Variants in MITF observed in about 807,000 individuals in gnomAD.
MITF encodes microphthalmia-associated transcription factor.
In MITF, 17 loss-of-function variants were observed where a neutral mutation model predicts 60.5. The ratio of observed to expected loss-of-function variants is 0.28; its 90% CI spans 0.19 to 0.42. The LOEUF (loss-of-function observed/expected upper bound fraction) is 0.42. Among genes scored for constraint, MITF ranks in the 10% least tolerant of loss-of-function variants. The pLI, the probability that MITF is intolerant of heterozygous loss-of-function variation, is 1.00. For missense variants in MITF, 622 were observed against 683.5 expected, an observed-to-expected ratio of 0.91 and a Z score of 1.00; for synonymous variants, 260 against 248.5, an observed-to-expected ratio of 1.05 and a Z score of -0.43.
At chr3:69,900,551 AACCAGTG>A (rs1435619262) in intron 2 of MITF, among the ~76,000 whole-genome samples, 2 of 152,160 alleles carry the variant, frequency 1.3e-5, no homozygotes, top group East Asian at 3.9e-4. Flanking sequence ...ACACTTGGCA[AACCAGTG>A]ACCTTCTTTT....
At chr3:69,871,652 G>A (rs1313236101) in intron 1 of MITF, among the ~76,000 whole-genome samples, 1 of 152,188 alleles carries the variant, frequency 6.6e-6, no homozygotes, top group Non-Finnish European at 1.5e-5. Context: ...TGGTTGACGT[G>A]TGCTAGACAT....
At chr3:69,788,266 C>T (rs2062683897) in intron 1 of MITF, among the ~76,000 whole-genome samples, 1 of 147,060 alleles carries the variant, frequency 6.8e-6, no homozygotes, top group Non-Finnish European at 1.5e-5. Flanking sequence ...GGTATATCTC[C>T]TGATGCTATC....
intron 5 of MITF, among the ~76,000 whole-genome samples, chr3:69,948,302 A>G (rs1183396824): frequency 6.6e-6 from 1 of 152,192 alleles, no homozygotes; most frequent in East Asian, 1.9e-4. Flanking sequence ...AGAAATGCAC[A>G]TACACAACCA....
At chr3:69,795,208 T>A (rs549501625) in intron 1 of MITF, among the ~76,000 whole-genome samples, 1 of 152,316 alleles carries the variant, frequency 6.6e-6, no homozygotes, top group African/African-American at 2.4e-5. Flanking sequence ...TCTTTTAAAA[T>A]CTTAATTTTC....
At chr3:69,757,649 G>T (rs1202747508) in intron 1 of MITF, among the ~76,000 whole-genome samples, 1 of 151,898 alleles carries the variant, frequency 6.6e-6, no homozygotes, top group Non-Finnish European at 1.5e-5. Context: ...AGCTATCAGA[G>T]ATGAAAAAAA....
chr3:69,842,155 A>G (rs750659330), intron 1 of MITF, among the ~76,000 whole-genome samples: 17 of 152,208 alleles, frequency 1.1e-4, no homozygotes, highest in Admixed American at 3.9e-4. Context: ...ATAAGATTTT[A>G]TGTAAAATCC....
At chr3:69,896,130 C>T (rs189707127) in intron 2 of MITF, among the ~76,000 whole-genome samples, 11 of 152,186 alleles carry the variant, frequency 7.2e-5, no homozygotes, top group Non-Finnish European at 1.0e-4. Context: ...TGAAAACCTC[C>T]CATGTTGTTG....
intron 5 of MITF, among the ~76,000 whole-genome samples, chr3:69,943,954 G>T (rs952952930): frequency 2.6e-5 from 4 of 151,914 alleles, no homozygotes; most frequent in Non-Finnish European, 4.4e-5. Flanking sequence ...AGCTGGGTGG[G>T]GTAGTAGTAC....
chr3:69,858,344 C>T (rs1431472405), intron 1 of MITF, among the ~76,000 whole-genome samples: 1 of 152,000 alleles, frequency 6.6e-6, no homozygotes, highest in East Asian at 1.9e-4. Flanking sequence ...ATTTTAAATC[C>T]TGTTTGCTCA....
intron 1 of MITF, among the ~76,000 whole-genome samples, chr3:69,840,003 G>C (rs1295616451): frequency 6.6e-6 from 1 of 152,014 alleles, no homozygotes; most frequent in Non-Finnish European, 1.5e-5. Flanking sequence ...TTTTGGGTAA[G>C]GGTAGAAAAG....
At chr3:69,802,922 C>A (rs868814356) in intron 1 of MITF, among the ~76,000 whole-genome samples, 1 of 151,858 alleles carries the variant, frequency 6.6e-6, no homozygotes, top group African/African-American at 2.4e-5. Context: ...GGATTACAGG[C>A]ATGTGCCACC....
intron 1 of MITF, among the ~76,000 whole-genome samples, chr3:69,863,866 T>A (rs558144587): frequency 1.7e-4 from 26 of 152,280 alleles, no homozygotes; most frequent in African/African-American, 6.0e-4. Flanking sequence ...CTGGCTTGAT[T>A]TTTTAGAAAA....
intron 1 of MITF, among the ~76,000 whole-genome samples, chr3:69,853,697 T>C (rs1028902155): frequency 2.0e-4 from 30 of 152,242 alleles, no homozygotes; most frequent in Non-Finnish European, 3.7e-4. Flanking sequence ...TAAACTATGC[T>C]TTGAACTTTA....
At chr3:69,760,327 C>T (rs1467409796) in intron 1 of MITF, among the ~76,000 whole-genome samples, 1 of 152,038 alleles carries the variant, frequency 6.6e-6, no homozygotes, top group Non-Finnish European at 1.5e-5. Context: ...CAGATTGGGG[C>T]CTAGCCTGGG....
chr3:69,795,129 G>A (rs1379666715), intron 1 of MITF, among the ~76,000 whole-genome samples: 1 of 152,054 alleles, frequency 6.6e-6, no homozygotes, highest in African/African-American at 2.4e-5. Flanking sequence ...GGAGTGGAAT[G>A]GTTAGCTCAT....
intron 1 of MITF, among the ~76,000 whole-genome samples, chr3:69,750,040 G>A (rs1575661480): frequency 6.6e-6 from 1 of 152,198 alleles, no homozygotes; most frequent in Non-Finnish European, 1.5e-5. Context: ...TAAAGTGCAT[G>A]ATGTAACGGC....
chr3:69,840,755 CTTTTTT>C (rs200258297), intron 1 of MITF, among the ~76,000 whole-genome samples: 1 of 138,564 alleles, frequency 7.2e-6, no homozygotes, highest in East Asian at 2.1e-4. Context: ...GTTTTTTTCT[CTTTTTT>C]TTTTTTTTTT....
intron 2 of MITF, among the ~76,000 whole-genome samples, chr3:69,890,518 T>TACCATACATTAC (rs2064736048): frequency 6.6e-6 from 1 of 152,188 alleles, no homozygotes; most frequent in South Asian, 2.1e-4. Context: ...CATTGTTCTT[T>TACCATACATTAC]ACCATACATT....
chr3:69,766,351 A>G (rs2062292477), intron 1 of MITF, among the ~76,000 whole-genome samples: 1 of 146,360 alleles, frequency 6.8e-6, no homozygotes, highest in African/African-American at 2.6e-5. Flanking sequence ...CTGGGATTAC[A>G]GGTGTGCACC....
Sources: gnomAD v4.1 joint callset for allele counts (sites outside exome capture counted in the v4.1 genomes callset) on GRCh38, gnomAD v4.1.1 for gene constraint, MANE v1.5 for transcripts, NCBI Gene and HGNC (gene_info 2026-07-23, HGNC 2026-07-21) for gene names.